Variants in DNAJC13 observed in about 807,000 individuals in gnomAD.
The protein encoded by DNAJC13 is DnaJ heat shock protein family (Hsp40) member C13.
A neutral mutation model predicts 290.5 loss-of-function variants in DNAJC13; 75 were observed. That is an observed-to-expected ratio of 0.26 (90% CI 0.21 to 0.31). The LOEUF is 0.31. Among genes scored for constraint, DNAJC13 ranks in the 10% least tolerant of loss-of-function variants. The probability of loss-of-function intolerance (pLI) is 1.00; values close to 1 mark genes in which losing one functional copy is unlikely to be tolerated. For synonymous variants in DNAJC13, 862 were observed against 892.0 expected (o/e 0.97, Z 0.60); for missense variants, 2,260 against 2,674.5 (o/e 0.85, Z 3.42).
intron 39 of DNAJC13, among the ~76,000 whole-genome samples, chr3:132,501,881 G>T (rs1935428724): frequency 6.6e-6 from 1 of 152,174 alleles, no homozygotes; most frequent in Non-Finnish European, 1.5e-5. Context: ...AATGTCCTTA[G>T]AAGTATTTGA....
chr3:132,521,209 G>A (rs1294467658), intron 48 of DNAJC13, among the ~76,000 whole-genome samples: 1 of 151,918 alleles, frequency 6.6e-6, no homozygotes, highest in Non-Finnish European at 1.5e-5. Context: ...GACCAACCTG[G>A]GTGAGGTAGA....
chr3:132,436,468 T>G (rs868078683), intron 2 of DNAJC13, among the ~76,000 whole-genome samples: 2 of 152,248 alleles, frequency 1.3e-5, no homozygotes, highest in East Asian at 1.9e-4. Context: ...GACATTTGTG[T>G]TGTTCTTACT....
Position 132,531,071 on chromosome 3 carries a change from A to G in DNAJC13, c.6599A>G (p.Glu2200Gly), listed in dbSNP as rs1936400269. 1 of 1,614,074 alleles carries G rather than the reference A, an allele frequency of 6.2e-7. No individual in the cohort carries two copies. ...CAGAAACATGATTTGTTCATTTCTG[A>G]GTCACAAACAGCAGGATACCTCACA... ...KDQKHDLFIS[E>G]SQTAGYLTGP... The change falls in exon 55 of 56, where the codon GAG (glutamate) becomes GGG (glycine). Residue 2200 changes from glutamate (E) to glycine (G), a missense_variant. Around this residue, in one of 3 missense-constraint regions of DNAJC13, gnomAD observed 1,494 missense variants for 1,693.7 expected, o/e 0.88. Transcript: ENST00000260818.
rs886742361 is a variant in DNAJC13 at position 132,499,212 on chromosome 3, G to A, written c.4243G>A (p.Glu1415Lys). 2 of 1,613,976 alleles carry A rather than the reference G, an allele frequency of 1.2e-6. No homozygotes were observed. Among genetic ancestry groups the A allele is most frequent in the Non-Finnish European group, 1.7e-6 (2 of 1,180,000 alleles). Residue 1415 changes from glutamate (E) to lysine (K), a missense_variant, in exon 37 of 56, where the codon GAA becomes AAA. Around this residue, in one of 3 missense-constraint regions of DNAJC13, gnomAD observed 1,494 missense variants for 1,693.7 expected, o/e 0.88. Transcript: ENST00000260818. Reference sequence around the variant, plus strand: ...TTCAGATGACCTCCTTTTCTCAAAAGAATCACCATTGTTGCCTGCGGCTAC... The same window carrying A: ...TTCAGATGACCTCCTTTTCTCAAAAAAATCACCATTGTTGCCTGCGGCTAC... ...ETSDDLLFSK[E>K]SPLLPAATEL...
Position 132,453,342 on chromosome 3 carries a change from A to G in DNAJC13, c.582A>G (p.Ala194=). The G allele has an allele frequency of 6.2e-7, 1 of 1,613,910 alleles. No homozygotes were observed. Among genetic ancestry groups the G allele is most frequent in the Non-Finnish European group, 8.5e-7 (1 of 1,179,908 alleles). ...AAAGAGAAGAGATTATTAAAAGTGC[A>G]ATAGACCATGCTGGTAACTACATAG... The part of the protein sequence containing the change: ...SEQREEIIKS[A]IDHAGNYIGI... The change falls in exon 7 of 56, where the codon GCA becomes GCG. Residue 194 remains alanine (A), a synonymous_variant. Coordinates refer to ENST00000260818, the MANE Select transcript of DNAJC13 (RefSeq NM_015268.4).
At chr3:132,526,826 A>C (rs1025190842) in intron 53 of DNAJC13, among the ~76,000 whole-genome samples, 1 of 152,232 alleles carries the variant, frequency 6.6e-6, no homozygotes, top group Non-Finnish European at 1.5e-5. Context: ...AAATTTAAAA[A>C]CTTACAAAAG....
intron 16 of DNAJC13, 67 bp downstream of exon 16, chr3:132,462,590 C>A: frequency 2.7e-6 from 3 of 1,119,026 alleles, no homozygotes; most frequent in Non-Finnish European, 3.9e-6. Flanking sequence ...TTGAAGTTGA[C>A]AATATTGCCT....
At chr3:132,449,323 A>G (rs1476696059) in intron 5 of DNAJC13, among the ~76,000 whole-genome samples, 1 of 152,154 alleles carries the variant, frequency 6.6e-6, no homozygotes, top group Non-Finnish European at 1.5e-5. Context: ...CCATCAGCAC[A>G]TCTCATTAAT....
intron 43 of DNAJC13, 138 bp from the exon 44 acceptor site, chr3:132,510,929 A>C (rs112093829): frequency 1.1e-6 from 1 of 883,588 alleles, no homozygotes; most frequent in African/African-American, 1.7e-5. Flanking sequence ...CATCCCCCCT[A>C]TAGTGCATAG....
At chr3:132,432,924 C>G (rs755838604) in intron 1 of DNAJC13, among the ~76,000 whole-genome samples, 9 of 152,062 alleles carry the variant, frequency 5.9e-5, no homozygotes, top group Non-Finnish European at 1.3e-4. Context: ...TCTTTACTTT[C>G]CTTGATGTGG....
intron 8 of DNAJC13, 77 bp downstream of exon 8, chr3:132,453,771 G>A (rs1195802048): frequency 2.4e-6 from 3 of 1,228,160 alleles, no homozygotes; most frequent in Non-Finnish European, 3.5e-6. Flanking sequence ...CTATTTTAAT[G>A]TTTACTCATG....
intron 29 of DNAJC13, among the ~76,000 whole-genome samples, chr3:132,487,489 C>G (rs556683789): frequency 4.6e-5 from 7 of 150,564 alleles, no homozygotes; most frequent in African/African-American, 4.9e-5. Context: ...AACTCCTGAC[C>G]TTGTGATCCG....
chr3:132,477,331 A>G (rs190995511), intron 22 of DNAJC13, among the ~76,000 whole-genome samples: 74 of 152,328 alleles, frequency 4.9e-4, no homozygotes, highest in Middle Eastern at 3.4e-3. Context: ...ACCTCAATGT[A>G]GTAACATGGG....
rs573857472 is a variant in DNAJC13 at position 132,506,045 on chromosome 3, C to CTTTTTTTTTT, written c.4998+644_4998+653dup. 9.1e-3 allele frequency among the ~76,000 whole-genome samples: 658 copies of CTTTTTTTTTT among 72,640 alleles called. 75 individuals carry two copies. Among genetic ancestry groups the CTTTTTTTTTT allele is most frequent in the South Asian group, 0.015 (20 of 1,292 alleles). The allele number at this position is 72,640 out of a possible 152,430, so 47.7% of individuals were successfully genotyped here. On this transcript the variant is annotated intron_variant, in intron 42 of 55. Coordinates refer to ENST00000260818, the MANE Select transcript of DNAJC13 (RefSeq NM_015268.4). ...CGGGTCTTACATGTCTGTACATTAT[C>CTTTTTTTTTT]TTTTTTTTTTTTTTTTTTTTTTTGA...
chr3:132,513,021 A>T lies in DNAJC13; in HGVS notation c.5307A>T (p.Glu1769Asp), dbSNP rs536653802. Residue 1769 changes from glutamate to aspartate, a missense_variant, in exon 45 of 56, where the codon GAA (glutamate) becomes GAT (aspartate). Around this residue, in one of 3 missense-constraint regions of DNAJC13, gnomAD observed 1,494 missense variants for 1,693.7 expected, o/e 0.88. Coordinates refer to ENST00000260818, the MANE Select transcript of DNAJC13 (RefSeq NM_015268.4). ...VIKYNPGSESECIGHFKLIFS... is the reference protein window; with the variant it reads ...VIKYNPGSESDCIGHFKLIFS... Reference sequence around the variant, plus strand: ...CTTATTCTCTAGGTTCTGAGAGTGAATGCATTGGGCACTTTAAGTTGATAT... The same window carrying T: ...CTTATTCTCTAGGTTCTGAGAGTGATTGCATTGGGCACTTTAAGTTGATAT... 6.2e-7 allele frequency: 1 copy of T among 1,612,742 alleles called. No homozygotes were observed. The highest frequency in any genetic ancestry group is 8.5e-7 in the Non-Finnish European group (1 of 1,179,020).
At chr3:132,431,344 AAG>A (rs1371917084) in intron 1 of DNAJC13, among the ~76,000 whole-genome samples, 5 of 152,152 alleles carry the variant, frequency 3.3e-5, no homozygotes, top group African/African-American at 1.2e-4. Context: ...AAACAAGAGT[AAG>A]AGGGAATAGG....
At chr3:132,484,455 G>C in intron 28 of DNAJC13, 133 bp from the exon 29 acceptor site, 1 of 726,858 alleles carries the variant, frequency 1.4e-6, no homozygotes, top group Non-Finnish European at 2.4e-6. Context: ...CATGTTCCCA[G>C]CTGTATGAGA....
intron 9 of DNAJC13, among the ~76,000 whole-genome samples, chr3:132,455,907 A>G (rs1163607401): frequency 6.6e-6 from 1 of 152,224 alleles, no homozygotes; most frequent in Non-Finnish European, 1.5e-5. Flanking sequence ...CAGTTGTATA[A>G]ATTTATTAAA....
intron 14 of DNAJC13, among the ~76,000 whole-genome samples, chr3:132,460,650 T>G (rs1933761633): frequency 6.6e-6 from 1 of 152,176 alleles, no homozygotes. Flanking sequence ...TAAAAAAAAT[T>G]AAGCCAAATC....
Sources: allele counts gnomAD v4.1 joint callset (sites outside exome capture counted in the v4.1 genomes callset), GRCh38; gene constraint gnomAD v4.1.1; regional missense constraint gnomAD v4.1.1; transcripts MANE v1.5; gene names NCBI Gene and HGNC (gene_info 2026-07-23, HGNC 2026-07-21).